Variants in HEATR1 observed in about 807,000 individuals in gnomAD.
HEATR1 encodes HEAT repeat containing 1, also known as HEAT repeat-containing protein 1.
HEATR1 carries 77 observed loss-of-function variants against 248.2 expected under a neutral mutation model. The ratio of observed to expected loss-of-function variants is 0.31; its 90% CI spans 0.26 to 0.37. HEATR1 has a LOEUF of 0.37. HEATR1 is among the 10% of genes least tolerant of loss of function. The pLI is 1.00. For synonymous variants in HEATR1, 897 were observed against 923.1 expected (o/e 0.97, Z 0.51); for missense variants, 2,420 against 2,504.9 (o/e 0.97, Z 0.72).
intron 29 of HEATR1, 58 bp downstream of exon 29, chr1:236,568,938 A>T: frequency 3.3e-6 from 4 of 1,224,456 alleles, no homozygotes; most frequent in East Asian, 3.2e-5. Context: ...AATGTCATTT[A>T]TATGCAAAAT....
At chr1:236,555,128 AAAC>A (rs1217860896) in intron 41 of HEATR1, among the ~76,000 whole-genome samples, 165 bp downstream of exon 41, 77 of 152,328 alleles carry the variant, frequency 5.1e-4, no homozygotes, top group African/African-American at 1.8e-3. Flanking sequence ...CATGATGCTA[AAAC>A]AACACTTCAC....
Position 236,603,207 on chromosome 1 carries a change from G to A in HEATR1, c.312C>T (p.Tyr104=), listed in dbSNP as rs1258908396. Residue 104 remains tyrosine (Y), a synonymous_variant, in exon 3 of 45, where the codon TAC becomes TAT. Coordinates refer to ENST00000366582, the MANE Select transcript of HEATR1 (RefSeq NM_018072.6). ...ISLFLIHLSP[Y]FLLKPAQKCL... is the part of the protein sequence containing the mutation. ...ACTTCTGTGCTGGCTTAAGCAGGAA[G>A]TAAGGCGACAAGTGAATAAGGAATA... The A allele has an allele frequency of 3.7e-6, 6 of 1,614,038 alleles. No individual in the cohort carries two copies. The highest frequency in any genetic ancestry group is 4.2e-6 in the Non-Finnish European group (5 of 1,180,022).
chr1:236,555,522 A>C, intron 40 of HEATR1, 29 bp downstream of exon 40: 1 of 1,614,030 alleles, frequency 6.2e-7, no homozygotes, highest in Non-Finnish European at 8.5e-7. Context: ...ATCTGAGCAC[A>C]AAAGAGAGGA....
chr1:236,589,859 C>T (rs1025057097), intron 12 of HEATR1, among the ~76,000 whole-genome samples: 44 of 152,122 alleles, frequency 2.9e-4, no homozygotes, highest in Non-Finnish European at 5.7e-4. Flanking sequence ...CTCACACCCA[C>T]AATTTGAAGG....
In HEATR1 at chr1:236,590,866, T is replaced by C. The variant is rs775937506; in HGVS notation, c.1511A>G (p.Lys504Arg). The C allele has an allele frequency of 6.6e-7, 1 of 1,509,502 alleles. No individual in the cohort carries two copies. The highest frequency in any genetic ancestry group is 8.9e-7 in the Non-Finnish European group (1 of 1,120,036). The allele number at this position is 1,509,502 out of a possible 1,614,324, so 93.5% of individuals were successfully genotyped here. A position where few individuals can be genotyped will look rare whatever the true frequency, so the allele number is the denominator to read the frequency against. Residue 504 changes from lysine to arginine, a missense_variant, in exon 12 of 45, where the codon AAG becomes AGG. Transcript: ENST00000366582. ...ACAAACCTTTGATGTTTTCATGATC[T>C]TTTTCAAATGATTCATGGCCAGAAT... The part of the protein sequence containing the change: ...VRILAMNHLK[K>R]IMKTSKEGVD...
intron 20 of HEATR1, 27 bp from the exon 21 acceptor site, chr1:236,576,976 A>C (rs750319294): frequency 2.6e-6 from 4 of 1,536,756 alleles, no homozygotes; most frequent in Non-Finnish European, 3.5e-6. Flanking sequence ...AAAAAATTTA[A>C]GAAACAATTT....
intron 43 of HEATR1, among the ~76,000 whole-genome samples, chr1:236,553,365 G>C (rs1223413629): frequency 6.6e-6 from 1 of 152,192 alleles, no homozygotes; most frequent in Non-Finnish European, 1.5e-5. Flanking sequence ...ATAGGGCATT[G>C]CTATTCTTTA....
intron 4 of HEATR1, among the ~76,000 whole-genome samples, chr1:236,598,798 CT>C (rs373219156): frequency 3.9e-5 from 6 of 152,304 alleles, no homozygotes; most frequent in Non-Finnish European, 7.4e-5. Flanking sequence ...GCCTCCCCCC[CT>C]ACCCTGGATC....
In HEATR1 at chr1:236,583,143, C is replaced by T. The variant is rs2794768; in HGVS notation, c.2295G>A (p.Val765=). Residue 765 remains valine (V), a synonymous_variant, in exon 18 of 45, where the codon GTG becomes GTA. Coordinates refer to ENST00000366582, the MANE Select transcript of HEATR1 (RefSeq NM_018072.6). ...IELMLDRGIP[V]ELWAHYVEEL... ...CTTCTACATAATGTGCCCACAGCTC[C>T]ACTGGGATCCCTCTGTCTAACATCA... The T allele has an allele frequency of 0.67, 1,073,455 of 1,613,140 alleles. 363,876 individuals carry two copies. Among genetic ancestry groups the T allele is most frequent in the Non-Finnish European group, 0.7 (825,323 of 1,179,460 alleles).
Position 236,569,132 on chromosome 1 carries a change from A to G in HEATR1, c.3949-8T>C. 1 of 1,564,390 alleles carries G rather than the reference A, an allele frequency of 6.4e-7. No homozygotes were observed. Among genetic ancestry groups the G allele is most frequent in the Non-Finnish European group, 8.6e-7 (1 of 1,159,776 alleles). On this transcript the variant is annotated splice_region_variant and splice_polypyrimidine_tract_variant and intron_variant, in intron 28 of 44. Coordinates refer to ENST00000366582, the MANE Select transcript of HEATR1 (RefSeq NM_018072.6). ...ATTGTGTAAAACTTTATCCTGAAAG[A>G]AAACACAACTATCAACATTTTTTAT... is the stretch of plus-strand genomic sequence containing the variant.
At position 236,581,430 on chromosome 1, in the gene HEATR1, AAAAAGC is replaced by A. The variant is rs2103141962; in HGVS notation, c.2563-22_2563-17del. ...CTAGATGCACCTAATTAAAAAAAAA[AAAAAGC>A]AAACTTTTAATTCTTACTCAAATAA... On this transcript the variant is annotated splice_polypyrimidine_tract_variant and intron_variant, in intron 19 of 44. Transcript: ENST00000366582. 6.7e-7 allele frequency: 1 copy of A among 1,488,306 alleles called. No individual in the cohort carries two copies. The highest frequency in any genetic ancestry group is 1.4e-5 in the South Asian group (1 of 71,420). 92.2% of individuals were successfully genotyped at this position (1,488,306 alleles called of 1,614,324 possible).
intron 14 of HEATR1, 83 bp downstream of exon 14, chr1:236,587,316 TAAA>T (rs927416077): frequency 2.1e-6 from 1 of 475,548 alleles, no homozygotes; most frequent in Non-Finnish European, 3.4e-6. Flanking sequence ...ATCAAAGCCT[TAAA>T]AAAAAAAAGA....
At chr1:236,603,101 A>T (rs2102803519) in intron 3 of HEATR1, 59 bp downstream of exon 3, 1 of 1,309,232 alleles carries the variant, frequency 7.6e-7, no homozygotes, top group Non-Finnish European at 1.1e-6. Flanking sequence ...TCAACTACTT[A>T]ATTTTTTACA....
intron 3 of HEATR1, among the ~76,000 whole-genome samples, chr1:236,600,983 T>A (rs12406589): frequency 0.031 from 4,670 of 152,342 alleles, 136 homozygotes; most frequent in Admixed American, 0.097. Flanking sequence ...TACTTATCTA[T>A]GTACTGAACT....
chr1:236,573,972 C>T, intron 24 of HEATR1: 1 of 333,560 alleles, frequency 3.0e-6, no homozygotes, highest in Non-Finnish European at 5.3e-6. Context: ...CATATTCCTA[C>T]ACATCCTATC....
At chr1:236,601,743 C>T (rs923369803) in intron 3 of HEATR1, among the ~76,000 whole-genome samples, 2 of 149,656 alleles carry the variant, frequency 1.3e-5, no homozygotes, top group African/African-American at 4.9e-5. Flanking sequence ...TGGCTGAGAT[C>T]GGAGGATCAT....
Position 236,566,869 on chromosome 1 carries a change from C to G in HEATR1, c.4085G>C (p.Ser1362Thr). 6.2e-7 allele frequency: 1 copy of G among 1,610,366 alleles called. No individual in the cohort carries two copies. Among genetic ancestry groups the G allele is most frequent in the Non-Finnish European group, 8.5e-7 (1 of 1,176,688 alleles). ...MVIPALIQSD[S>T]GDSIEVSRNV... ...TCTTGAAACTTCTATAGAATCTCCA[C>G]TATCAGACTGCAAAACAGCAAGCAG... The change falls in exon 30 of 45, where the codon AGT (serine) becomes ACT (threonine). Residue 1362 changes from serine (S) to threonine (T), a missense_variant. Coordinates refer to ENST00000366582, the MANE Select transcript of HEATR1 (RefSeq NM_018072.6).
intron 35 of HEATR1, 77 bp from the exon 36 acceptor site, chr1:236,558,606 G>A: frequency 7.1e-7 from 1 of 1,412,386 alleles, no homozygotes; most frequent in Admixed American, 2.1e-5. Flanking sequence ...GTCACAGCTT[G>A]AGATTGTCTA....
At chr1:236,574,955 T>G (rs1415575442) in intron 22 of HEATR1, 52 bp from the exon 23 acceptor site, 2 of 1,559,970 alleles carry the variant, frequency 1.3e-6, no homozygotes. Flanking sequence ...GATATGTTTT[T>G]GCTCACTCTA....
Sources: gnomAD v4.1 joint callset for allele counts (sites outside exome capture counted in the v4.1 genomes callset) on GRCh38, gnomAD v4.1.1 for gene constraint, MANE v1.5 for transcripts, NCBI Gene and HGNC (gene_info 2026-07-23, HGNC 2026-07-21) for gene names.